Variants in PRKG1 observed in about 807,000 individuals in gnomAD.
The protein encoded by PRKG1 is protein kinase cGMP-dependent 1.
In PRKG1, 35 loss-of-function variants were observed where a neutral mutation model predicts 88.1. The observed-to-expected ratio is 0.40, with a 90% CI of 0.30 to 0.53. The LOEUF is 0.53. Ranked by LOEUF, PRKG1 falls within the 20% of genes least tolerant of loss-of-function variation. PRKG1 has a pLI of 0.59. For synonymous variants in PRKG1, 303 were observed against 292.5 expected, an observed-to-expected ratio of 1.04 and a Z score of -0.37; for missense variants, 540 against 839.8, an observed-to-expected ratio of 0.64 and a Z score of 4.41.
intron 2 of PRKG1, among the ~76,000 whole-genome samples, chr10:51,366,804 A>G (rs1477744832): frequency 6.6e-6 from 1 of 151,914 alleles, no homozygotes; most frequent in Non-Finnish European, 1.5e-5. Flanking sequence ...GTTCTGAATC[A>G]AGTCTCTCAT....
chr10:52,023,795 G>A (rs1258199161), intron 5 of PRKG1, among the ~76,000 whole-genome samples: 1 of 152,104 alleles, frequency 6.6e-6, no homozygotes, highest in Non-Finnish European at 1.5e-5. Context: ...TAAGTTCTTT[G>A]TAGATTCTGG....
intron 3 of PRKG1, among the ~76,000 whole-genome samples, chr10:51,497,170 A>T (rs1017660270): frequency 1.4e-4 from 21 of 152,160 alleles, no homozygotes; most frequent in Middle Eastern, 3.2e-3. Flanking sequence ...CATTATTGGG[A>T]TAAAATAAAG....
At chr10:52,254,682 A>G (rs575563610) in intron 10 of PRKG1, among the ~76,000 whole-genome samples, 17 of 152,128 alleles carry the variant, frequency 1.1e-4, no homozygotes, top group Admixed American at 8.5e-4. Flanking sequence ...CAGACTTTTT[A>G]GCATTTCTTA....
At chr10:52,226,504 C>T (rs1009906890) in intron 9 of PRKG1, among the ~76,000 whole-genome samples, 1 of 151,770 alleles carries the variant, frequency 6.6e-6, no homozygotes, top group Non-Finnish European at 1.5e-5. Flanking sequence ...TGATGTTTTA[C>T]CAACTTTGAA....
At chr10:51,617,173 C>A (rs1297229716) in intron 3 of PRKG1, among the ~76,000 whole-genome samples, 2 of 152,206 alleles carry the variant, frequency 1.3e-5, no homozygotes, top group South Asian at 4.1e-4. Context: ...GAATATAGAC[C>A]ACTGGGGGTC....
chr10:51,285,116 A>T (rs531600082), intron 2 of PRKG1, among the ~76,000 whole-genome samples: 1 of 128,826 alleles, frequency 7.8e-6, no homozygotes, highest in African/African-American at 3.0e-5. Flanking sequence ...TCATTGTTCA[A>T]TTCCCACCTA....
intron 2 of PRKG1, among the ~76,000 whole-genome samples, chr10:51,313,552 G>C (rs1369016427): frequency 2.6e-5 from 4 of 152,166 alleles, no homozygotes; most frequent in African/African-American, 9.7e-5. Context: ...CGAGAAAGAA[G>C]TGTTCTCTTC....
intron 9 of PRKG1, among the ~76,000 whole-genome samples, chr10:52,192,769 A>C (rs534930340): frequency 1.3e-5 from 2 of 152,214 alleles, no homozygotes; most frequent in African/African-American, 4.8e-5. Flanking sequence ...ATTTGTTTGG[A>C]TGTATAACTT....
chr10:51,325,654 G>T (rs1841571716), intron 2 of PRKG1, among the ~76,000 whole-genome samples: 1 of 152,144 alleles, frequency 6.6e-6, no homozygotes, highest in African/African-American at 2.4e-5. Flanking sequence ...TTTGTTGCTT[G>T]TGCTTTGTAG....
chr10:51,455,766 C>T (rs1483556005), intron 2 of PRKG1, among the ~76,000 whole-genome samples: 2 of 152,218 alleles, frequency 1.3e-5, no homozygotes, highest in Non-Finnish European at 2.9e-5. Flanking sequence ...AGCCATTCAA[C>T]AAGTTTCTAG....
At chr10:51,375,541 C>T (rs1266598458) in intron 2 of PRKG1, among the ~76,000 whole-genome samples, 1 of 151,988 alleles carries the variant, frequency 6.6e-6, no homozygotes, top group Non-Finnish European at 1.5e-5. Flanking sequence ...GTCATGTCAG[C>T]ACTCAAAAAG....
chr10:51,608,325 G>A (rs946324673), intron 3 of PRKG1, among the ~76,000 whole-genome samples: 8 of 152,214 alleles, frequency 5.3e-5, no homozygotes, highest in African/African-American at 1.4e-4. Context: ...TCCCTGAGAA[G>A]TGTGGGGCTA....
chr10:51,067,270 G>GTATATATATATATATATATATA (rs10612353), intron 1 of PRKG1, among the ~76,000 whole-genome samples: 3 of 146,614 alleles, frequency 2.0e-5, no homozygotes, highest in African/African-American at 7.5e-5. Context: ...ATGTATGTGT[G>GTATATATATATATATATATATA]TATATATATA....
At position 51,346,317 on chromosome 10, in the gene PRKG1, G is replaced by A. The variant is rs574829790; in HGVS notation, c.479-121406G>A. ...TTGCTCATTTTAAAAATGGATTTGC[G>A]GCTGGGTTTTATTTGAAGATAAACG... On this transcript the variant is annotated intron_variant, in intron 2 of 17. Coordinates refer to ENST00000373980, the MANE Select transcript of PRKG1 (RefSeq NM_006258.4). Among the ~76,000 whole-genome samples, 10 of 152,238 alleles carry A rather than the reference G, an allele frequency of 6.6e-5. No individual in the cohort carries two copies. In the South Asian group the frequency reaches 1.5e-3, roughly 22 times the overall value.
chr10:52,267,667 A>G (rs1375736095), intron 10 of PRKG1, among the ~76,000 whole-genome samples: 1 of 152,090 alleles, frequency 6.6e-6, no homozygotes, highest in Non-Finnish European at 1.5e-5. Context: ...ATGAATGTAT[A>G]TATACACACT....
chr10:51,389,738 C>T (rs1482559368), intron 2 of PRKG1, among the ~76,000 whole-genome samples: 1 of 152,070 alleles, frequency 6.6e-6, no homozygotes, highest in Non-Finnish European at 1.5e-5. Context: ...CAAATTACTT[C>T]CCATATACAG....
rs536267882 is a variant in PRKG1, at chr10:52,141,297, A to C, written c.1001+7392A>C. Among the ~76,000 whole-genome samples, 29 of 152,298 alleles carry C rather than the reference A, an allele frequency of 1.9e-4. No homozygotes were observed. In the South Asian group the frequency reaches 6.0e-3, roughly 32 times the overall value. The stretch of plus-strand genomic sequence containing the variant: ...CTAACTACAAAATAAGTACATTCTC[A>C]TTCGAAAAGGAGTATACCCTGAGAC... On this transcript the variant is annotated intron_variant, in intron 8 of 17. Transcript: ENST00000373980.
chr10:52,036,108 AGTAATAGGG>A (rs1845602827), intron 5 of PRKG1, among the ~76,000 whole-genome samples: 1 of 152,116 alleles, frequency 6.6e-6, no homozygotes, highest in African/African-American at 2.4e-5. Flanking sequence ...GCTTGATTGA[AGTAATAGGG>A]GCTGTCTGTG....
intron 4 of PRKG1, among the ~76,000 whole-genome samples, chr10:51,846,483 G>T (rs1349034385): frequency 6.6e-6 from 1 of 152,098 alleles, no homozygotes; most frequent in East Asian, 1.9e-4. Context: ...AGTGGCAGAG[G>T]TTCTACTAAA....
Sources: gnomAD v4.1 joint callset for allele counts (sites outside exome capture counted in the v4.1 genomes callset) on GRCh38, gnomAD v4.1.1 for gene constraint, MANE v1.5 for transcripts, NCBI Gene and HGNC (gene_info 2026-07-23, HGNC 2026-07-21) for gene names.